The following NLRP14 variants were observed in gnomAD, a reference collection of about 807,000 sequenced individuals.
NLRP14 encodes the protein NLR family pyrin domain containing 14.
NLRP14 carries 105 observed loss-of-function variants against 94.7 expected under a neutral mutation model. That is an observed-to-expected ratio of 1.11 (90% CI 0.95 to 1.30). NLRP14 has a LOEUF of 1.30. NLRP14 is among the 50% of genes most tolerant of loss of function. The probability of loss-of-function intolerance (pLI) is 0.00; values close to 1 mark genes in which losing one functional copy is unlikely to be tolerated. For synonymous variants in NLRP14, 508 were observed against 459.9 expected, an observed-to-expected ratio of 1.10 and a Z score of -1.34; for missense variants, 1,362 against 1,254.1, an observed-to-expected ratio of 1.09 and a Z score of -1.30.
At position 7,056,360 on chromosome 11, in the gene NLRP14, A is replaced by T. The variant is rs57999181; in HGVS notation, c.2292-1317A>T. The stretch of plus-strand genomic sequence containing the variant: ...TCTTATAAGATTTCATTATTATAAT[A>T]AGACAAAATCATTCTTATAAAAGAT... On this transcript the variant is annotated intron_variant, in intron 6 of 11. Transcript: ENST00000299481. 7.3e-3 allele frequency among the ~76,000 whole-genome samples: 1,116 copies of T among 151,972 alleles called. 12 individuals are homozygous for T. Among genetic ancestry groups the T allele is most frequent in the African/African-American group, 0.02 (824 of 41,534 alleles).
chr11:7,053,230 G>A (rs572725715), intron 6 of NLRP14, among the ~76,000 whole-genome samples: 4 of 151,874 alleles, frequency 2.6e-5, no homozygotes, highest in Middle Eastern at 3.4e-3. Context: ...TTAAAATACC[G>A]TATTACTTCA....
Position 7,038,685 on chromosome 11 carries a change from C to G in NLRP14, c.99C>G (p.Phe33Leu), listed in dbSNP as rs1852198057. 3 of 1,613,686 alleles carry G rather than the reference C, an allele frequency of 1.9e-6. No homozygotes were observed. The highest frequency in any genetic ancestry group is 1.6e-4 in the Middle Eastern group (1 of 6,084). Residue 33 changes from phenylalanine (F) to leucine (L), a missense_variant, in exon 2 of 12, where the codon TTC (phenylalanine) becomes TTG (leucine). By Grantham distance (22) the Phe-to-Leu change is conservative. Transcript: ENST00000299481. Reference protein sequence around the residue: ...NKEELNTFKLFLKETMEPEHG... With the variant: ...NKEELNTFKLLLKETMEPEHG... ...AGGAATTAAATACATTCAAGTTATT[C>G]CTAAAGGAGACCATGGAACCTGAGC...
chr11:7,068,948 C>A (rs1038704414), intron 10 of NLRP14, among the ~76,000 whole-genome samples: 1 of 152,166 alleles, frequency 6.6e-6, no homozygotes, highest in Non-Finnish European at 1.5e-5. Flanking sequence ...GCTACTGTGC[C>A]TGGGCAGTGG....
the NLRP14 span, chr11:7,089,871 G>A: frequency 6.2e-7 from 1 of 1,612,794 alleles, no homozygotes; most frequent in East Asian, 2.2e-5. Context: ...TGTCCGGGAC[G>A]ACTGTCCCTT....
chr11:7,062,785 A>G (rs1174939719), intron 10 of NLRP14, among the ~76,000 whole-genome samples: 2 of 152,058 alleles, frequency 1.3e-5, no homozygotes, highest in South Asian at 2.1e-4. Flanking sequence ...GTCATCCTTC[A>G]GATAGTCTAC....
chr11:7,062,200 TC>T, intron 9 of NLRP14, 132 bp from the exon 10 acceptor site: 1 of 743,022 alleles, frequency 1.3e-6, no homozygotes, highest in Non-Finnish European at 2.3e-6. Context: ...AATTAGACCC[TC>T]CCATGTATGT....
At chr11:7,035,918 T>C (rs1852154510) in intron 1 of NLRP14, among the ~76,000 whole-genome samples, 2 of 152,190 alleles carry the variant, frequency 1.3e-5, no homozygotes, top group Admixed American at 6.5e-5. Flanking sequence ...TGCTATGTAG[T>C]AGAAAGAGAA....
chr11:7,063,741 C>G (rs1346437514), intron 10 of NLRP14, among the ~76,000 whole-genome samples: 2 of 151,992 alleles, frequency 1.3e-5, no homozygotes, highest in South Asian at 4.1e-4. Context: ...TTAATTAAGG[C>G]CACTAATAAC....
chr11:7,064,535 C>G (rs528585232), intron 10 of NLRP14, among the ~76,000 whole-genome samples: 1 of 152,162 alleles, frequency 6.6e-6, no homozygotes, highest in East Asian at 1.9e-4. Context: ...TGCTCTTCCC[C>G]TACACCAATG....
the NLRP14 span, among the ~76,000 whole-genome samples, chr11:7,076,882 T>TGATG: frequency 2.6e-5 from 4 of 152,164 alleles, no homozygotes; most frequent in Non-Finnish European, 5.9e-5. Flanking sequence ...GAATAAAAAT[T>TGATG]GATGAATGAA....
intron 6 of NLRP14, among the ~76,000 whole-genome samples, chr11:7,055,411 T>C (rs1464650575): frequency 1.3e-5 from 2 of 152,042 alleles, no homozygotes; most frequent in Non-Finnish European, 2.9e-5. Flanking sequence ...AATCTCATAC[T>C]CAAAAAACAA....
At chr11:7,068,632 A>G (rs927461630) in intron 10 of NLRP14, among the ~76,000 whole-genome samples, 1 of 152,126 alleles carries the variant, frequency 6.6e-6, no homozygotes, top group African/African-American at 2.4e-5. Context: ...ATACTTAAGA[A>G]CACAAAAAAT....
downstream of NLRP14, among the ~76,000 whole-genome samples, chr11:7,074,217 C>A (rs1852842984): frequency 6.6e-6 from 1 of 152,140 alleles, no homozygotes; most frequent in Non-Finnish European, 1.5e-5. Context: ...TCAGAGGGGG[C>A]AAATGGTTTT....
At chr11:7,079,464 C>T in the NLRP14 span, among the ~76,000 whole-genome samples, 1 of 152,224 alleles carries the variant, frequency 6.6e-6, no homozygotes, top group Non-Finnish European at 1.5e-5. Context: ...ACGTAGAGAA[C>T]AGTGTATAAA....
intron 10 of NLRP14, among the ~76,000 whole-genome samples, chr11:7,063,184 T>C (rs1356891735): frequency 6.6e-6 from 1 of 152,078 alleles, no homozygotes. Flanking sequence ...AACTGTTAGG[T>C]CTGAGATTTA....
chr11:7,089,665 T>C, the NLRP14 span: 2 of 1,454,010 alleles, frequency 1.4e-6, no homozygotes, highest in South Asian at 1.4e-5. Context: ...GGGAGGGCCC[T>C]GGCCGTGCGG....
chr11:7,057,847 C>A lies in NLRP14; in HGVS notation c.2462C>A (p.Ser821Tyr). 1 of 1,610,454 alleles carries A rather than the reference C, an allele frequency of 6.2e-7. No individual in the cohort carries two copies. Among genetic ancestry groups the A allele is most frequent in the Admixed American group, 1.7e-5 (1 of 59,930 alleles). The change falls in exon 7 of 12, where the codon TCC becomes TAC. Residue 821 changes from serine (S) to tyrosine (Y), a missense_variant and splice_region_variant. Coordinates refer to ENST00000299481, the MANE Select transcript of NLRP14 (RefSeq NM_176822.4). ...RHPKCYLERLSLESCGLTEAG... is the reference protein window; with the variant it reads ...RHPKCYLERLYLESCGLTEAG... ...CCAAAGTGTTATCTAGAGAGACTGT[C>A]GTGAGTGTTTCTGTTTTGTTTTCTG...
At chr11:7,054,561 T>A (rs1057505526) in intron 6 of NLRP14, among the ~76,000 whole-genome samples, 1 of 152,188 alleles carries the variant, frequency 6.6e-6, no homozygotes, top group Non-Finnish European at 1.5e-5. Context: ...TTATTAATGA[T>A]GTTGAGCATC....
At chr11:7,031,563 C>A (rs1852095682) in intron 1 of NLRP14, among the ~76,000 whole-genome samples, 1 of 152,146 alleles carries the variant, frequency 6.6e-6, no homozygotes, top group South Asian at 2.1e-4. Context: ...ATTTGGCAGG[C>A]ACTGCGTGCA....
Sources: gnomAD v4.1 joint callset for allele counts (sites outside exome capture counted in the v4.1 genomes callset) on GRCh38, gnomAD v4.1.1 for gene constraint, MANE v1.5 for transcripts, NCBI Gene and HGNC (gene_info 2026-07-23, HGNC 2026-07-21) for gene names.